Variants in CYP2B6 observed in about 807,000 individuals in gnomAD.
CYP2B6 encodes cytochrome P450 2B6.
Under a neutral mutation model 43.4 loss-of-function variants are expected in CYP2B6, and 35 were observed. The observed-to-expected ratio is 0.81, with a 90% confidence interval of 0.62 to 1.07. CYP2B6 has a LOEUF of 1.07. Among genes scored for constraint, CYP2B6 ranks in the 50% least tolerant of loss-of-function variants. The probability of loss-of-function intolerance (pLI) is 0.00; values close to 1 mark genes in which losing one functional copy is unlikely to be tolerated. For synonymous variants in CYP2B6, 239 were observed against 239.2 expected, an observed-to-expected ratio of 1.00 and a Z score of 0.01; for missense variants, 624 against 632.8, an observed-to-expected ratio of 0.99 and a Z score of 0.15.
At chr19:40,999,684 T>C (rs1205812780) in intron 1 of CYP2B6, among the ~76,000 whole-genome samples, 1 of 152,082 alleles carries the variant, frequency 6.6e-6, no homozygotes, top group Non-Finnish European at 1.5e-5. Flanking sequence ...TATTAAAGAA[T>C]TTTTTTCATT....
In CYP2B6 at chr19:41,018,337, T is replaced by A. The variant is rs185691524; in HGVS notation, c.*1510T>A. ...CACTGGTGCTTTGGATTCCCTGATATGTTCCTTCAAATCTGCTGAGAATTA... is the reference window on the plus strand; with the variant it reads ...CACTGGTGCTTTGGATTCCCTGATAAGTTCCTTCAAATCTGCTGAGAATTA... On this transcript the variant is annotated 3_prime_UTR_variant, in exon 9 of 9. Transcript: ENST00000324071. 19 of 152,306 alleles carry A rather than the reference T, an allele frequency of 1.2e-4. No individual in the cohort carries two copies. The highest frequency in any genetic ancestry group is 3.9e-4 in the African/African-American group (16 of 41,466). The allele number at this position is 152,306 out of a possible 1,614,324, so 9.4% of individuals were successfully genotyped here. A position where few individuals can be genotyped will look rare whatever the true frequency, so the allele number is the denominator to read the frequency against.
At chr19:41,015,549 T>C (rs981601423) in intron 8 of CYP2B6, among the ~76,000 whole-genome samples, 2 of 152,226 alleles carry the variant, frequency 1.3e-5, no homozygotes, top group African/African-American at 4.8e-5. Context: ...CCTGAGCTTT[T>C]TCCAGCACCC....
At chr19:41,000,113 G>A (rs1969061429) in intron 1 of CYP2B6, among the ~76,000 whole-genome samples, 1 of 152,120 alleles carries the variant, frequency 6.6e-6, no homozygotes, top group South Asian at 2.1e-4. Context: ...GTTAATGTCA[G>A]TGCAAGAACG....
chr19:40,998,678 G>GT (rs141308123), intron 1 of CYP2B6, among the ~76,000 whole-genome samples: 38,090 of 138,910 alleles, frequency 0.27, 5,986 homozygotes, highest in East Asian at 0.42. Flanking sequence ...GTGGTGTTTG[G>GT]TTTTTTTGTT....
intron 1 of CYP2B6, among the ~76,000 whole-genome samples, chr19:40,994,421 AAACTT>A (rs1968969316): frequency 6.6e-6 from 1 of 152,162 alleles, no homozygotes; most frequent in South Asian, 2.1e-4. Context: ...ACAAGGTGGG[AAACTT>A]ACTTTTTTGT....
chr19:41,004,239 A>G, intron 2 of CYP2B6, 58 bp from the exon 3 acceptor site: 2 of 1,609,980 alleles, frequency 1.2e-6, no homozygotes, highest in Non-Finnish European at 1.7e-6. Flanking sequence ...AGGAAGAAGG[A>G]CTCAGAGCCT....
chr19:41,010,329 G>C (rs539428659), intron 6 of CYP2B6, among the ~76,000 whole-genome samples, 194 bp downstream of exon 6: 1 of 152,070 alleles, frequency 6.6e-6, no homozygotes, highest in East Asian at 1.9e-4. Flanking sequence ...CTGTCCATGC[G>C]TTCTCCCACT....
rs557834987 is a variant in CYP2B6, at chr19:41,017,492, T to C, written c.*665T>C. On this transcript the variant is annotated 3_prime_UTR_variant, in exon 9 of 9. Transcript: ENST00000324071. ...CCAAACATTTTCTTTTTTTCTGAGA[T>C]GGAGTCTCACTCTGTCACCCAGGTT... The C allele has an allele frequency of 2.6e-5, 4 of 152,168 alleles. No homozygotes were observed. The highest frequency in any genetic ancestry group is 3.9e-4 in the East Asian group (2 of 5,158). 9.4% of individuals were successfully genotyped at this position (152,168 alleles called of 1,614,324 possible). A position where few individuals can be genotyped will look rare whatever the true frequency, so the allele number is the denominator to read the frequency against.
At chr19:41,001,353 C>T (rs926342910) in intron 1 of CYP2B6, among the ~76,000 whole-genome samples, 29 of 152,178 alleles carry the variant, frequency 1.9e-4, no homozygotes, top group African/African-American at 6.3e-4. Flanking sequence ...TAGGTATTCA[C>T]GACCATCTAT....
chr19:41,016,636 G>A lies in CYP2B6; in HGVS notation c.1295-10G>A. 6.2e-7 allele frequency: 1 copy of A among 1,614,046 alleles called. No homozygotes were observed. The highest frequency in any genetic ancestry group is 8.5e-7 in the Non-Finnish European group (1 of 1,179,922). ...CCTGTGCCCACACTGGTGACCTTCT[G>A]TGTCCACAGGGAAGCGGATTTGTCT... On this transcript the variant is annotated splice_polypyrimidine_tract_variant and intron_variant, in intron 8 of 8. Transcript: ENST00000324071.
At position 41,000,934 on chromosome 19, in the gene CYP2B6, G is replaced by A. The variant is rs150184453; in HGVS notation, c.172-3067G>A. On this transcript the variant is annotated intron_variant, in intron 1 of 8. Coordinates refer to ENST00000324071, the MANE Select transcript of CYP2B6 (RefSeq NM_000767.5). ...CATGTCTGTAATCCCAGCTACTCGG[G>A]AGGCTGAGGCAGGAGAATTGCTTGA... Among the ~76,000 whole-genome samples the A allele has an allele frequency of 1.2e-3, 189 of 152,202 alleles. 2 individuals carry two copies. Among genetic ancestry groups the A allele is most frequent in the African/African-American group, 4.2e-3 (175 of 41,498 alleles).
chr19:41,009,069 A>C, intron 4 of CYP2B6, 150 bp from the exon 5 acceptor site: 1 of 681,274 alleles, frequency 1.5e-6, no homozygotes, highest in Non-Finnish European at 2.7e-6. Context: ...AGATCAAAGG[A>C]GATATAGAGT....
intron 1 of CYP2B6, among the ~76,000 whole-genome samples, chr19:40,997,555 C>T (rs7250745): frequency 0.3 from 45,127 of 151,904 alleles, 7,228 homozygotes; most frequent in South Asian, 0.4. Flanking sequence ...ATTATTTGCT[C>T]AGACAGAATA....
At chr19:41,003,165 A>G (rs1422008141) in intron 1 of CYP2B6, among the ~76,000 whole-genome samples, 1 of 152,092 alleles carries the variant, frequency 6.6e-6, no homozygotes, top group African/African-American at 2.4e-5. Context: ...CAGCTTCAGG[A>G]AATACTGCCC....
chr19:41,012,759 T>C lies in CYP2B6; in HGVS notation c.1238T>C (p.Phe413Ser). Residue 413 changes from phenylalanine (F) to serine (S), a missense_variant, in exon 8 of 9, where the codon TTT becomes TCT. Phe to Ser is a radical substitution (Grantham distance 155). Coordinates refer to ENST00000324071, the MANE Select transcript of CYP2B6 (RefSeq NM_000767.5). The stretch of plus-strand genomic sequence containing the variant: ...CCAGACGCCTTCAATCCTGACCACT[T>C]TCTGGATGCCAATGGGGCACTGAAA... ...EKPDAFNPDH[F>S]LDANGALKKT... The C allele has an allele frequency of 6.2e-7, 1 of 1,614,144 alleles. No individual in the cohort carries two copies. Among genetic ancestry groups the C allele is most frequent in the Non-Finnish European group, 8.5e-7 (1 of 1,180,004 alleles).
Position 41,009,306 on chromosome 19 carries a change from A to G in CYP2B6, c.733A>G (p.Ile245Val), listed in dbSNP as rs375245235. ...YKNLQEINAY[I>V]GHSVEKHRET... ...AAACCTGCAGGAAATCAATGCTTAC[A>G]TTGGCCACAGTGTGGAGAAGCACCG... The change falls in exon 5 of 9, where the codon ATT becomes GTT. Residue 245 changes from isoleucine to valine, a missense_variant. By Grantham distance (29) the Ile-to-Val change is conservative. Transcript: ENST00000324071. The G allele has an allele frequency of 2.4e-5, 39 of 1,612,710 alleles. No homozygotes were observed. The highest frequency in any genetic ancestry group is 3.1e-5 in the Non-Finnish European group (37 of 1,179,312).
intron 1 of CYP2B6, 181 bp from the exon 2 acceptor site, chr19:41,003,820 C>T: frequency 1.3e-6 from 1 of 798,368 alleles, no homozygotes; most frequent in Non-Finnish European, 2.1e-6. Flanking sequence ...TGTATTCTCT[C>T]CCTTGGACAG....
rs1969024766 is a variant in CYP2B6, at chr19:40,998,145, A to G, written c.172-5856A>G. 3.3e-5 allele frequency among the ~76,000 whole-genome samples: 5 copies of G among 152,040 alleles called. No individual in the cohort carries two copies. In the South Asian group the frequency reaches 1.0e-3, roughly 32 times the overall value. ...AATGTGAGGAGTGATAACATTTAGG[A>G]ACGTGTGTATAGGTTTAAATGCTGG... is the stretch of plus-strand genomic sequence containing the variant. On this transcript the variant is annotated intron_variant, in intron 1 of 8. Coordinates refer to ENST00000324071, the MANE Select transcript of CYP2B6 (RefSeq NM_000767.5).
chr19:41,002,172 G>A (rs548252509), intron 1 of CYP2B6, among the ~76,000 whole-genome samples: 1 of 152,222 alleles, frequency 6.6e-6, no homozygotes, highest in East Asian at 1.9e-4. Context: ...AGGCCTTGGT[G>A]AGCACGTGGA....
Sources: allele counts gnomAD v4.1 joint callset (sites outside exome capture counted in the v4.1 genomes callset), GRCh38; gene constraint gnomAD v4.1.1; transcripts MANE v1.5; gene names NCBI Gene and HGNC (gene_info 2026-07-23, HGNC 2026-07-21).